Variants in B3GAT2 observed in about 807,000 individuals in gnomAD.
B3GAT2 encodes beta-1,3-glucuronyltransferase 2.
A neutral mutation model predicts 27.8 loss-of-function variants in B3GAT2; 26 were observed. The observed-to-expected ratio is 0.93, with a 90% CI of 0.68 to 1.30. The LOEUF (loss-of-function observed/expected upper bound fraction) is 1.30, where lower values mean the gene tolerates loss of function less well. Ranked by LOEUF, B3GAT2 falls within the 50% of genes most tolerant of loss-of-function variation. The pLI is 0.00. For synonymous variants in B3GAT2, 218 were observed against 195.1 expected (o/e 1.12, Z -0.98); for missense variants, 458 against 459.0 (o/e 1.00, Z 0.02).
At chr6:70,953,252 CCTACG>C (rs1383148566) in intron 1 of B3GAT2, among the ~76,000 whole-genome samples, 17 of 152,178 alleles carry the variant, frequency 1.1e-4, no homozygotes, top group Non-Finnish European at 2.4e-4. Flanking sequence ...TTTATCTGGT[CCTACG>C]TTTTCTCCAG....
intron 1 of B3GAT2, 26 bp downstream of exon 1, chr6:70,955,813 A>C: frequency 6.4e-7 from 1 of 1,557,828 alleles, no homozygotes; most frequent in Non-Finnish European, 8.7e-7. Context: ...GCCCTCGCCC[A>C]CCCAGCGGGG....
intron 1 of B3GAT2, among the ~76,000 whole-genome samples, chr6:70,931,055 A>C (rs2150045848): frequency 6.6e-6 from 1 of 152,278 alleles, no homozygotes; most frequent in South Asian, 2.1e-4. Context: ...GAAGCTGGAA[A>C]CCATCATTCT....
chr6:70,956,700 T>C lies in B3GAT2; in HGVS notation c.-271A>G. The C allele has an allele frequency of 7.6e-7, 1 of 1,319,748 alleles. No individual in the cohort carries two copies. The highest frequency in any genetic ancestry group is 1.6e-5 in the African/African-American group (1 of 64,416). The allele number at this position is 1,319,748 out of a possible 1,614,324, so 81.8% of individuals were successfully genotyped here. On this transcript the variant is annotated 5_prime_UTR_variant, in exon 1 of 4. Transcript: ENST00000230053. ...CAGGTGAGCTGGCGGGAAGCGGGAC[T>C]CGGTCCAGCCGCGCGCCGCCGGTCC...
At chr6:70,927,806 G>T (rs183577072) in intron 1 of B3GAT2, among the ~76,000 whole-genome samples, 2 of 152,236 alleles carry the variant, frequency 1.3e-5, no homozygotes, top group East Asian at 3.9e-4. Context: ...GGATATCCAG[G>T]ACTTGAACTC....
chr6:70,944,268 G>A (rs540058734), intron 1 of B3GAT2, among the ~76,000 whole-genome samples: 17 of 152,190 alleles, frequency 1.1e-4, no homozygotes, highest in Admixed American at 2.6e-4. Flanking sequence ...AAAGCAGGGC[G>A]AGGCATTGCC....
In B3GAT2 at chr6:70,861,818, T is replaced by A; in HGVS notation, c.885+12A>T. On this transcript the variant is annotated intron_variant, in intron 3 of 3. Transcript: ENST00000230053. ...GACACTCGAGGTCGGGCAGCACAAG[T>A]GTAATGAATACCTTAGTGCAGTTAT... 6.2e-7 allele frequency: 1 copy of A among 1,614,064 alleles called. No homozygotes were observed. The highest frequency in any genetic ancestry group is 8.5e-7 in the Non-Finnish European group (1 of 1,179,964).
intron 1 of B3GAT2, among the ~76,000 whole-genome samples, chr6:70,918,669 G>C (rs951903063): frequency 6.6e-6 from 1 of 152,144 alleles, no homozygotes; most frequent in Non-Finnish European, 1.5e-5. Flanking sequence ...AGTTTGGCTG[G>C]ATATGAAATT....
intron 2 of B3GAT2, among the ~76,000 whole-genome samples, chr6:70,882,230 G>C (rs1187804340): frequency 6.6e-6 from 1 of 152,182 alleles, no homozygotes; most frequent in Non-Finnish European, 1.5e-5. Flanking sequence ...CGCTGGGTGT[G>C]GTGGCTCACA....
intron 1 of B3GAT2, among the ~76,000 whole-genome samples, chr6:70,952,173 C>G (rs896812502): frequency 2.6e-5 from 4 of 152,128 alleles, no homozygotes; most frequent in East Asian, 1.9e-4. Context: ...TAGCACCCAA[C>G]AAAAGATTCA....
chr6:70,878,363 T>C (rs1268121476), intron 2 of B3GAT2, among the ~76,000 whole-genome samples: 2 of 152,348 alleles, frequency 1.3e-5, no homozygotes, highest in South Asian at 2.1e-4. Flanking sequence ...TGATGAATGC[T>C]GTACTTTTGT....
rs1166155004 is a variant in B3GAT2, at chr6:70,882,265, G to A, written c.736+11863C>T. Among the ~76,000 whole-genome samples, 4 of 152,290 alleles carry A rather than the reference G, an allele frequency of 2.6e-5. No individual in the cohort carries two copies. The East Asian group carries it at 5.8e-4, about 22-fold the overall frequency. On this transcript the variant is annotated intron_variant, in intron 2 of 3. Coordinates refer to ENST00000230053, the MANE Select transcript of B3GAT2 (RefSeq NM_080742.3). The stretch of plus-strand genomic sequence containing the variant: ...ACCTGTAATCCCAGCACTTTGGGAG[G>A]TTAAGGCGGGCAGATCACGAGGTCA...
chr6:70,881,344 C>T (rs1772096193), intron 2 of B3GAT2, among the ~76,000 whole-genome samples: 1 of 152,190 alleles, frequency 6.6e-6, no homozygotes, highest in Non-Finnish European at 1.5e-5. Flanking sequence ...TTTAAAAGCC[C>T]TCTCTTGATT....
intron 1 of B3GAT2, 30 bp downstream of exon 1, chr6:70,955,809 G>A: frequency 1.3e-6 from 2 of 1,545,450 alleles, no homozygotes; most frequent in East Asian, 2.6e-5. Context: ...TCCCGCCCTC[G>A]CCCACCCAGC....
chr6:70,912,469 G>A (rs1283519402), intron 1 of B3GAT2, among the ~76,000 whole-genome samples: 3 of 152,170 alleles, frequency 2.0e-5, no homozygotes, highest in Non-Finnish European at 4.4e-5. Context: ...CACATGCCAA[G>A]TATAAAGCCT....
chr6:70,864,083 T>TA (rs398001920), intron 2 of B3GAT2, among the ~76,000 whole-genome samples: 6 of 130,228 alleles, frequency 4.6e-5, no homozygotes, highest in Admixed American at 1.6e-4. Flanking sequence ...TTTTTTTTTT[T>TA]AAATTCAGAT....
intron 2 of B3GAT2, among the ~76,000 whole-genome samples, chr6:70,865,695 T>C (rs1771837476): frequency 6.6e-6 from 1 of 152,166 alleles, no homozygotes; most frequent in Non-Finnish European, 1.5e-5. Flanking sequence ...AGTAGAAAAT[T>C]TGTAAGACTT....
rs1341061303 is a variant in B3GAT2, at chr6:70,956,095, TGCAGCTGCGCCACCTG to T, written c.319_334del (p.Gln107ThrfsTer15). The T allele has an allele frequency of 1.2e-6, 2 of 1,600,654 alleles. No individual in the cohort carries two copies. Among genetic ancestry groups the T allele is most frequent in the Non-Finnish European group, 1.7e-6 (2 of 1,175,376 alleles). On this transcript the variant is annotated frameshift_variant, in exon 1 of 4. Coordinates refer to ENST00000230053, the MANE Select transcript of B3GAT2 (RefSeq NM_080742.3). LOFTEE classifies it high-confidence loss of function. ...CGCCGCGTCCTCCACCAGGATCCAG[TGCAGCTGCGCCACCTG>T]GCGGAACGTGTTGGCCAGGCGGGTC... is the stretch of plus-strand genomic sequence containing the variant.
intron 1 of B3GAT2, among the ~76,000 whole-genome samples, chr6:70,951,848 C>T (rs944308513): frequency 3.9e-5 from 6 of 152,076 alleles, no homozygotes; most frequent in African/African-American, 1.4e-4. Flanking sequence ...ACAAGGGGCA[C>T]ATTTCAGGTA....
At chr6:70,862,837 G>T (rs1042726806) in intron 2 of B3GAT2, among the ~76,000 whole-genome samples, 6 of 152,030 alleles carry the variant, frequency 3.9e-5, no homozygotes, top group Admixed American at 3.9e-4. Context: ...GGGTGTTGTG[G>T]CACGTGGTGC....
Sources: allele counts gnomAD v4.1 joint callset (sites outside exome capture counted in the v4.1 genomes callset), GRCh38; gene constraint gnomAD v4.1.1; transcripts MANE v1.5; gene names NCBI Gene and HGNC (gene_info 2026-07-23, HGNC 2026-07-21).